RBPJ: variants seen among roughly 807,000 people sequenced by gnomAD.
The protein encoded by RBPJ is recombination signal binding protein for immunoglobulin kappa J region.
Under a neutral mutation model 67.8 loss-of-function variants are expected in RBPJ, and 9 were observed. The ratio of observed to expected loss-of-function variants is 0.13; its 90% CI spans 0.08 to 0.23. RBPJ has a LOEUF of 0.23. Ranked by LOEUF, RBPJ falls within the 10% of genes least tolerant of loss-of-function variation. The pLI, the probability that RBPJ is intolerant of heterozygous loss-of-function variation, is 1.00. For missense variants in RBPJ, 305 were observed against 595.6 expected (o/e 0.51, Z 5.08); for synonymous variants, 198 against 203.3 (o/e 0.97, Z 0.22).
intron 1 of RBPJ, among the ~76,000 whole-genome samples, chr4:26,202,025 T>C (rs1717996836): frequency 6.6e-6 from 1 of 152,232 alleles, no homozygotes; most frequent in Non-Finnish European, 1.5e-5. Context: ...AAAACTTTCT[T>C]TCCCATTCTC....
intron 1 of RBPJ, among the ~76,000 whole-genome samples, chr4:26,168,474 A>G (rs547385675): frequency 1.3e-5 from 2 of 152,300 alleles, no homozygotes; most frequent in South Asian, 2.1e-4. Context: ...CTTTGTGGGT[A>G]ACCTGACCTT....
chr4:26,272,261 T>G (rs551711040), intron 1 of RBPJ, among the ~76,000 whole-genome samples: 12 of 152,272 alleles, frequency 7.9e-5, no homozygotes, highest in African/African-American at 2.9e-4. Flanking sequence ...AAGACGTCAT[T>G]TTTATTTTCT....
intron 1 of RBPJ, among the ~76,000 whole-genome samples, chr4:26,361,551 T>G (rs1392068714): frequency 6.6e-6 from 1 of 152,094 alleles, no homozygotes; most frequent in African/African-American, 2.4e-5. Flanking sequence ...GCTGTTTTCA[T>G]CTACGTCTTT....
chr4:26,238,047 AT>A (rs1411837951), intron 1 of RBPJ, among the ~76,000 whole-genome samples: 1 of 152,028 alleles, frequency 6.6e-6, no homozygotes, highest in Non-Finnish European at 1.5e-5. Flanking sequence ...CTGACCAAAA[AT>A]TTTGTGTGTG....
At chr4:26,184,019 C>G (rs1223027175) in intron 1 of RBPJ, among the ~76,000 whole-genome samples, 2 of 147,894 alleles carry the variant, frequency 1.4e-5, no homozygotes, top group African/African-American at 5.0e-5. Context: ...CTCAAAAAAA[C>G]AAAATAAAAA....
chr4:26,315,167 A>AAAAAAAAATATATAT (rs1325689348), upstream of RBPJ, among the ~76,000 whole-genome samples: 5 of 74,756 alleles, frequency 6.7e-5, no homozygotes, highest in African/African-American at 2.7e-4. Context: ...AAAAAAAAAA[A>AAAAAAAAATATATAT]ATATATATAT....
intron 7 of RBPJ, among the ~76,000 whole-genome samples, chr4:26,426,756 G>A (rs1735713773): frequency 6.6e-6 from 1 of 152,108 alleles, no homozygotes; most frequent in South Asian, 2.1e-4. Context: ...TGAGTGAGGA[G>A]CATTTCAGGC....
chr4:26,136,707 CT>C, the RBPJ span, among the ~76,000 whole-genome samples: 3 of 152,024 alleles, frequency 2.0e-5, no homozygotes, highest in Admixed American at 6.6e-5. Context: ...TCATTGGGAA[CT>C]TTTTTTTAAA....
chr4:26,128,125 G>A, the RBPJ span, among the ~76,000 whole-genome samples: 1 of 152,254 alleles, frequency 6.6e-6, no homozygotes, highest in Admixed American at 6.5e-5. Flanking sequence ...TCCTCATATA[G>A]GTGAGGCTCC....
chr4:26,161,225 G>A (rs751165058), upstream of RBPJ, among the ~76,000 whole-genome samples: 19 of 152,192 alleles, frequency 1.2e-4, no homozygotes, highest in Non-Finnish European at 2.2e-4. Flanking sequence ...TCTGCTGGAG[G>A]GTGACAGGCT....
chr4:26,286,788 CT>C (rs755346375), intron 1 of RBPJ, among the ~76,000 whole-genome samples: 45,153 of 134,714 alleles, frequency 0.34, 7,354 homozygotes, highest in Admixed American at 0.42. Context: ...AGTAAAACCT[CT>C]TTTTTTTTTT....
intron 1 of RBPJ, among the ~76,000 whole-genome samples, chr4:26,211,577 A>C (rs1296707450): frequency 2.6e-5 from 4 of 152,208 alleles, no homozygotes; most frequent in African/African-American, 9.6e-5. Flanking sequence ...TCAATTTATC[A>C]TAAGTATGAT....
At chr4:26,278,207 A>G (rs1315567978) in intron 1 of RBPJ, among the ~76,000 whole-genome samples, 1 of 152,192 alleles carries the variant, frequency 6.6e-6, no homozygotes, top group Non-Finnish European at 1.5e-5. Flanking sequence ...TCATCTAAAG[A>G]TAGGATGCTA....
At chr4:26,291,906 A>G (rs1721683253) in intron 1 of RBPJ, among the ~76,000 whole-genome samples, 1 of 150,760 alleles carries the variant, frequency 6.6e-6, no homozygotes, top group African/African-American at 2.4e-5. Context: ...TTTTACATAT[A>G]TTTTTATTTT....
At chr4:26,285,916 C>T (rs1721448228) in intron 1 of RBPJ, among the ~76,000 whole-genome samples, 3 of 152,186 alleles carry the variant, frequency 2.0e-5, no homozygotes, top group Middle Eastern at 6.8e-3. Context: ...TCCAGACCAG[C>T]CTGGGCAACA....
intron 1 of RBPJ, among the ~76,000 whole-genome samples, chr4:26,375,663 G>A (rs1225395367): frequency 6.6e-6 from 1 of 152,334 alleles, no homozygotes; most frequent in Non-Finnish European, 1.5e-5. Flanking sequence ...AAAACTGTGT[G>A]ACGTCTTCTA....
chr4:26,133,962 C>A, the RBPJ span, among the ~76,000 whole-genome samples: 1 of 152,156 alleles, frequency 6.6e-6, no homozygotes. Context: ...AGCTCTCCAA[C>A]AGGGACTGTC....
chr4:26,125,694 G>A, the RBPJ span, among the ~76,000 whole-genome samples: 1 of 152,020 alleles, frequency 6.6e-6, no homozygotes, highest in East Asian at 1.9e-4. Context: ...AGCTACTCAG[G>A]AGGCTGAGGC....
chr4:26,165,961 G>A (rs1479377248), intron 1 of RBPJ, among the ~76,000 whole-genome samples: 3 of 149,630 alleles, frequency 2.0e-5, no homozygotes, highest in African/African-American at 7.5e-5. Context: ...GTGAGAACAT[G>A]CGGTGTTTGG....
Sources: gnomAD v4.1 joint callset for allele counts (sites outside exome capture counted in the v4.1 genomes callset) on GRCh38, gnomAD v4.1.1 for gene constraint, MANE v1.5 for transcripts, NCBI Gene and HGNC (gene_info 2026-07-23, HGNC 2026-07-21) for gene names.